PPP2R5A: variants seen among roughly 807,000 people sequenced by gnomAD.
The protein encoded by PPP2R5A is protein phosphatase 2 regulatory subunit B'alpha, also known as serine/threonine-protein phosphatase 2A 56 kDa regulatory subunit alpha isoform.
A neutral mutation model predicts 64.2 loss-of-function variants in PPP2R5A; 25 were observed. That is an observed-to-expected ratio of 0.39 (90% CI 0.28 to 0.54). The LOEUF (loss-of-function observed/expected upper bound fraction) is 0.54, where lower values mean the gene tolerates loss of function less well. Ranked by LOEUF, PPP2R5A falls within the 20% of genes least tolerant of loss-of-function variation. The probability of loss-of-function intolerance (pLI) is 0.67; values close to 1 mark genes in which losing one functional copy is unlikely to be tolerated. For missense variants in PPP2R5A, 425 were observed against 576.3 expected (o/e 0.74, Z 2.69); for synonymous variants, 198 against 201.2 (o/e 0.98, Z 0.13).
chr1:212,307,857 C>T (rs555543500), intron 1 of PPP2R5A, among the ~76,000 whole-genome samples: 157 of 152,158 alleles, frequency 1.0e-3, no homozygotes, highest in African/African-American at 3.7e-3. Context: ...GATTTAAATA[C>T]TTCTCGAGAT....
intron 8 of PPP2R5A, 87 bp from the exon 9 acceptor site, chr1:212,356,539 G>T: frequency 2.5e-6 from 3 of 1,215,660 alleles, no homozygotes; most frequent in East Asian, 2.4e-5. Context: ...TTCAGAATGA[G>T]TGTTGATATA....
At chr1:212,344,136 AT>A (rs1659734157) in intron 4 of PPP2R5A, among the ~76,000 whole-genome samples, 2 of 152,170 alleles carry the variant, frequency 1.3e-5, no homozygotes, top group East Asian at 3.9e-4. Flanking sequence ...TGCCTGGCTA[AT>A]TTTTGTTTGT....
intron 3 of PPP2R5A, among the ~76,000 whole-genome samples, chr1:212,341,122 A>G (rs1659678761): frequency 6.6e-6 from 1 of 152,182 alleles, no homozygotes; most frequent in Non-Finnish European, 1.5e-5. Flanking sequence ...CTTTAGTCAT[A>G]TTTGCCTTTC....
intron 1 of PPP2R5A, chr1:212,308,981 C>T: frequency 3.1e-6 from 2 of 641,610 alleles, no homozygotes; most frequent in Non-Finnish European, 2.8e-6. Context: ...GTAACATTGT[C>T]ATCATACCTT....
intron 1 of PPP2R5A, among the ~76,000 whole-genome samples, chr1:212,315,682 A>C (rs1172649564): frequency 6.6e-6 from 1 of 152,214 alleles, no homozygotes; most frequent in African/African-American, 2.4e-5. Context: ...ATTTTATGTA[A>C]ATATGAAGTA....
chr1:212,309,384 G>T (rs1050840125), intron 1 of PPP2R5A: 27 of 1,491,852 alleles, frequency 1.8e-5, no homozygotes, highest in Admixed American at 1.5e-4. Context: ...GCCGCCGGAA[G>T]GTGGGTGACG....
chr1:212,301,087 C>T (rs141732696), intron 1 of PPP2R5A, among the ~76,000 whole-genome samples: 1 of 152,304 alleles, frequency 6.6e-6, no homozygotes, highest in African/African-American at 2.4e-5. Flanking sequence ...AATCTCCTCA[C>T]TGCAACTTCT....
chr1:212,343,656 A>G (rs576512880), intron 4 of PPP2R5A, among the ~76,000 whole-genome samples: 1 of 152,354 alleles, frequency 6.6e-6, no homozygotes, highest in Admixed American at 6.5e-5. Context: ...ATACATTTTA[A>G]TCATGACTAA....
intron 1 of PPP2R5A, among the ~76,000 whole-genome samples, chr1:212,315,753 T>C (rs1659138835): frequency 6.6e-6 from 1 of 152,220 alleles, no homozygotes. Context: ...AGATATTGTG[T>C]GTTTTATTTT....
chr1:212,297,149 TCTCA>T (rs1658712705), intron 1 of PPP2R5A, among the ~76,000 whole-genome samples: 1 of 112,072 alleles, frequency 8.9e-6, no homozygotes, highest in African/African-American at 3.6e-5. Flanking sequence ...GGAGACGGAG[TCTCA>T]CTCTATCGCC....
chr1:212,287,495 C>T (rs771877561), intron 1 of PPP2R5A, among the ~76,000 whole-genome samples: 7 of 152,196 alleles, frequency 4.6e-5, no homozygotes, highest in Non-Finnish European at 8.8e-5. Context: ...ACAACAGCTC[C>T]AGAACCCTAT....
chr1:212,301,903 C>G, intron 1 of PPP2R5A: 2 of 1,324,948 alleles, frequency 1.5e-6, no homozygotes, highest in South Asian at 1.9e-5. Context: ...GGGATGTTTT[C>G]CTCTAAGGAA....
chr1:212,309,921 T>C (rs1218085468), intron 1 of PPP2R5A, among the ~76,000 whole-genome samples: 1 of 152,204 alleles, frequency 6.6e-6, no homozygotes, highest in African/African-American at 2.4e-5. Context: ...CTGTTTTAAA[T>C]AATATATTGT....
intron 4 of PPP2R5A, among the ~76,000 whole-genome samples, chr1:212,345,180 A>T (rs1253333964): frequency 6.6e-6 from 1 of 151,730 alleles, no homozygotes; most frequent in Admixed American, 6.6e-5. Flanking sequence ...AAAAAAAAAA[A>T]ATTTGGCCTC....
At chr1:212,355,204 A>T (rs1406953499) in intron 8 of PPP2R5A, among the ~76,000 whole-genome samples, 1 of 152,182 alleles carries the variant, frequency 6.6e-6, no homozygotes, top group Non-Finnish European at 1.5e-5. Context: ...GATGTTTTAT[A>T]AAGGTATTGA....
At chr1:212,344,026 C>T (rs959337906) in intron 4 of PPP2R5A, among the ~76,000 whole-genome samples, 1 of 152,192 alleles carries the variant, frequency 6.6e-6, no homozygotes, top group South Asian at 2.1e-4. Flanking sequence ...GGCTGGAGTG[C>T]AGTGGCTGGA....
intron 1 of PPP2R5A, among the ~76,000 whole-genome samples, chr1:212,317,859 G>A (rs963203112): frequency 6.6e-6 from 1 of 151,914 alleles, no homozygotes; most frequent in Non-Finnish European, 1.5e-5. Context: ...GGTGGTGGGC[G>A]CCTGTAGTCC....
At chr1:212,292,004 A>C (rs1453530321) in intron 1 of PPP2R5A, among the ~76,000 whole-genome samples, 1 of 152,202 alleles carries the variant, frequency 6.6e-6, no homozygotes, top group Non-Finnish European at 1.5e-5. Flanking sequence ...TGTTTCTTGA[A>C]GATCTAGGCC....
chr1:212,291,423 AT>A (rs946643268), intron 1 of PPP2R5A, among the ~76,000 whole-genome samples: 2 of 152,222 alleles, frequency 1.3e-5, no homozygotes, highest in Non-Finnish European at 2.9e-5. Context: ...AAAACAAAAA[AT>A]CAATACCTGG....
Sources: allele counts gnomAD v4.1 joint callset (sites outside exome capture counted in the v4.1 genomes callset), GRCh38; gene constraint gnomAD v4.1.1; transcripts MANE v1.5; gene names NCBI Gene and HGNC (gene_info 2026-07-23, HGNC 2026-07-21).